The following OXR1 variants were observed in gnomAD, a reference collection of about 807,000 sequenced individuals.
OXR1 encodes oxidation resistance protein 1.
In OXR1, 41 loss-of-function variants were observed where a neutral mutation model predicts 104.6. That is an observed-to-expected ratio of 0.39 (90% CI 0.31 to 0.51). OXR1 has a LOEUF of 0.51. Among genes scored for constraint, OXR1 ranks in the 20% least tolerant of loss-of-function variants. OXR1 has a pLI of 0.77. For missense variants in OXR1, 955 were observed against 1,031.9 expected, an observed-to-expected ratio of 0.93 and a Z score of 1.02; for synonymous variants, 348 against 348.4, an observed-to-expected ratio of 1.00 and a Z score of 0.01.
chr8:106,465,649 C>A (rs1191929380), intron 2 of OXR1, among the ~76,000 whole-genome samples: 4 of 151,800 alleles, frequency 2.6e-5, no homozygotes, highest in Admixed American at 6.6e-5. Context: ...GATGAGGGAC[C>A]AGTTGTGGAG....
At chr8:106,362,404 T>C (rs1816285515) in intron 2 of OXR1, among the ~76,000 whole-genome samples, 2 of 152,172 alleles carry the variant, frequency 1.3e-5, no homozygotes, top group Non-Finnish European at 1.5e-5. Flanking sequence ...TATTTACAAA[T>C]ACCTAAGCAA....
At chr8:106,375,514 A>G (rs182204211) in intron 2 of OXR1, among the ~76,000 whole-genome samples, 94 of 152,326 alleles carry the variant, frequency 6.2e-4, no homozygotes, top group Non-Finnish European at 4.6e-4. Flanking sequence ...AATTGAAGTC[A>G]AACTTTGAGC....
At chr8:106,740,962 A>G (rs1834871725) in intron 14 of OXR1, among the ~76,000 whole-genome samples, 1 of 152,160 alleles carries the variant, frequency 6.6e-6, no homozygotes, top group Admixed American at 6.5e-5. Flanking sequence ...GTAATTGGAA[A>G]CTAATGAGAA....
intron 3 of OXR1, among the ~76,000 whole-genome samples, chr8:106,639,612 T>C (rs1220604055): frequency 6.6e-6 from 1 of 152,140 alleles, no homozygotes; most frequent in Non-Finnish European, 1.5e-5. Context: ...GGGTGGGACA[T>C]AGTTGGAATA....
intron 2 of OXR1, among the ~76,000 whole-genome samples, chr8:106,504,661 C>T (rs1812037768): frequency 6.6e-6 from 1 of 152,082 alleles, no homozygotes; most frequent in Admixed American, 6.5e-5. Flanking sequence ...TAAAAGCCTT[C>T]TAATCTAGAG....
chr8:106,581,954 G>A (rs1269686019), intron 3 of OXR1, among the ~76,000 whole-genome samples: 2 of 147,350 alleles, frequency 1.4e-5, no homozygotes, highest in African/African-American at 2.5e-5. Context: ...AACGTGGGAG[G>A]TGGAGGTTGC....
chr8:106,542,682 GT>G (rs1272689251), intron 3 of OXR1, among the ~76,000 whole-genome samples: 1 of 151,550 alleles, frequency 6.6e-6, no homozygotes, highest in African/African-American at 2.4e-5. Context: ...AATAGATTCA[GT>G]TTAAATGTTT....
chr8:106,304,522 C>T (rs1167104045), intron 1 of OXR1, among the ~76,000 whole-genome samples: 1 of 152,008 alleles, frequency 6.6e-6, no homozygotes, highest in East Asian at 1.9e-4. Flanking sequence ...TTTAAATTTT[C>T]TAGTAGCAAC....
At chr8:106,354,878 A>G (rs977945131) in intron 1 of OXR1, among the ~76,000 whole-genome samples, 6 of 152,136 alleles carry the variant, frequency 3.9e-5, no homozygotes, top group African/African-American at 1.4e-4. Flanking sequence ...TTATTAGAAT[A>G]TAGTATTTTT....
chr8:106,474,487 T>C (rs938213094), intron 2 of OXR1, among the ~76,000 whole-genome samples: 10 of 151,906 alleles, frequency 6.6e-5, no homozygotes, highest in Non-Finnish European at 1.3e-4. Context: ...CTATTGACTA[T>C]TTTTGTATGG....
chr8:106,666,410 A>G (rs569583663), intron 3 of OXR1, among the ~76,000 whole-genome samples: 2 of 152,326 alleles, frequency 1.3e-5, no homozygotes, highest in African/African-American at 4.8e-5. Context: ...AGGATTCTGT[A>G]TTTGCTCTAT....
chr8:106,317,477 G>A (rs1464058608), intron 1 of OXR1, among the ~76,000 whole-genome samples: 2 of 152,076 alleles, frequency 1.3e-5, no homozygotes, highest in Non-Finnish European at 1.5e-5. Context: ...ACCAAAAAAG[G>A]GTATGAGCCC....
intron 2 of OXR1, among the ~76,000 whole-genome samples, chr8:106,398,828 G>A (rs879388048): frequency 6.6e-6 from 1 of 152,162 alleles, no homozygotes; most frequent in African/African-American, 2.4e-5. Flanking sequence ...ACATCTGAGA[G>A]TATAAACATA....
At chr8:106,612,052 C>A (rs2130803008) in intron 3 of OXR1, among the ~76,000 whole-genome samples, 1 of 151,660 alleles carries the variant, frequency 6.6e-6, no homozygotes, top group Admixed American at 6.6e-5. Flanking sequence ...TTTGCATTTT[C>A]TTTTCTTGTT....
intron 1 of OXR1, among the ~76,000 whole-genome samples, chr8:106,283,156 G>A (rs1812359373): frequency 6.6e-6 from 1 of 152,170 alleles, no homozygotes; most frequent in East Asian, 1.9e-4. Context: ...ACTGGTTCTA[G>A]CAGGTTTCAT....
chr8:106,379,000 G>T lies in OXR1; in HGVS notation c.23+19364G>T, dbSNP rs74932434. ...GCCTTATATAATGGGTTTGATTTTT[G>T]AGTATAACTGTATTTGACCCAATCA... is the stretch of plus-strand genomic sequence containing the variant. On this transcript the variant is annotated intron_variant, in intron 2 of 16. Coordinates refer to ENST00000517566, the MANE Select transcript of OXR1 (RefSeq NM_001198533.2). Among the ~76,000 whole-genome samples the T allele has an allele frequency of 1.3e-3, 203 of 152,164 alleles. 2 individuals are homozygous for T. In the East Asian group the frequency reaches 0.028, roughly 21 times the overall value.
At chr8:106,525,429 T>C (rs1813587268) in intron 3 of OXR1, among the ~76,000 whole-genome samples, 1 of 152,238 alleles carries the variant, frequency 6.6e-6, no homozygotes, top group South Asian at 2.1e-4. Flanking sequence ...CAACGTGCTA[T>C]CTGTTTACCC....
intron 2 of OXR1, among the ~76,000 whole-genome samples, chr8:106,388,323 T>C (rs1404231434): frequency 6.6e-6 from 1 of 152,184 alleles, no homozygotes; most frequent in African/African-American, 2.4e-5. Context: ...CCAATACCTG[T>C]GCATTTGGAT....
At chr8:106,733,410 A>T (rs866903442) in intron 11 of OXR1, among the ~76,000 whole-genome samples, 4 of 152,142 alleles carry the variant, frequency 2.6e-5, no homozygotes, top group Non-Finnish European at 4.4e-5. Context: ...CTTCTGAAAG[A>T]TTACAAAATT....
Sources: gnomAD v4.1 joint callset for allele counts (sites outside exome capture counted in the v4.1 genomes callset) on GRCh38, gnomAD v4.1.1 for gene constraint, MANE v1.5 for transcripts, NCBI Gene and HGNC (gene_info 2026-07-23, HGNC 2026-07-21) for gene names.